Variants in SYT1 observed in about 807,000 individuals in gnomAD.
SYT1 encodes the protein synaptotagmin 1.
A neutral mutation model predicts 44.8 loss-of-function variants in SYT1; 8 were observed. The ratio of observed to expected loss-of-function variants is 0.18; its 90% CI spans 0.10 to 0.32. The LOEUF (loss-of-function observed/expected upper bound fraction) is 0.32, where lower values mean the gene tolerates loss of function less well. Among genes scored for constraint, SYT1 ranks in the 10% least tolerant of loss-of-function variants. The probability of loss-of-function intolerance (pLI) is 1.00; values close to 1 mark genes in which losing one functional copy is unlikely to be tolerated. For synonymous variants in SYT1, 154 were observed against 188.8 expected (o/e 0.82, Z 1.51); for missense variants, 286 against 509.3 (o/e 0.56, Z 4.22).
At chr12:79,293,395 TA>T (rs1263631716) in intron 6 of SYT1, among the ~76,000 whole-genome samples, 6 of 55,742 alleles carry the variant, frequency 1.1e-4, no homozygotes, top group East Asian at 1.4e-3. Context: ...TAAAATAAAA[TA>T]AAATAAAATA....
chr12:79,103,327 A>G (rs959676199), intron 3 of SYT1, among the ~76,000 whole-genome samples: 1 of 152,186 alleles, frequency 6.6e-6, no homozygotes, highest in Non-Finnish European at 1.5e-5. Flanking sequence ...TGCATAGACA[A>G]CTTAAAATAA....
At chr12:79,401,179 G>A (rs936339647) in intron 9 of SYT1, among the ~76,000 whole-genome samples, 1 of 152,128 alleles carries the variant, frequency 6.6e-6, no homozygotes, top group African/African-American at 2.4e-5. Context: ...AAGTTGAATA[G>A]CACTAGTAAC....
chr12:79,401,309 C>G (rs61927378), intron 9 of SYT1, among the ~76,000 whole-genome samples: 28,554 of 152,002 alleles, frequency 0.19, 3,143 homozygotes, highest in East Asian at 0.49. Flanking sequence ...CAGGAAGATT[C>G]CTTAAGCCCA....
In SYT1 at chr12:79,056,028, A is replaced by C. The variant is rs938287906; in HGVS notation, c.-18+8666A>C. Among the ~76,000 whole-genome samples the C allele has an allele frequency of 2.1e-4, 32 of 152,136 alleles. 1 individual carries two copies. Among genetic ancestry groups the C allele is most frequent in the African/African-American group, 7.5e-4 (31 of 41,544 alleles). On this transcript the variant is annotated intron_variant, in intron 3 of 10. Transcript: ENST00000261205. ...TATAATTGCCTACAGTATTCAGTAC[A>C]GTGACATGTACAGGTTTGTAGCCCA...
chr12:78,876,060 C>T (rs1874052204), intron 1 of SYT1, among the ~76,000 whole-genome samples: 2 of 151,676 alleles, frequency 1.3e-5, no homozygotes, highest in South Asian at 2.1e-4. Flanking sequence ...ATGCAATTTC[C>T]TTTTGAGTAT....
intron 8 of SYT1, among the ~76,000 whole-genome samples, chr12:79,342,787 C>T (rs964365606): frequency 1.3e-5 from 2 of 152,150 alleles, no homozygotes; most frequent in East Asian, 1.9e-4. Flanking sequence ...TTGTTGAAAT[C>T]GAGTGAACCA....
intron 8 of SYT1, among the ~76,000 whole-genome samples, chr12:79,299,879 G>A (rs775995027): frequency 2.6e-5 from 4 of 151,992 alleles, no homozygotes; most frequent in East Asian, 1.9e-4. Flanking sequence ...AAATGACAAC[G>A]AAAAATTATT....
chr12:79,322,231 A>G (rs1185814838), intron 8 of SYT1, among the ~76,000 whole-genome samples: 1 of 152,178 alleles, frequency 6.6e-6, no homozygotes, highest in Non-Finnish European at 1.5e-5. Context: ...GTAAGCTAAA[A>G]TCTCCTAAAG....
intron 4 of SYT1, among the ~76,000 whole-genome samples, chr12:79,278,031 TAAGAA>T: frequency 6.6e-6 from 1 of 151,902 alleles, no homozygotes; most frequent in Non-Finnish European, 1.5e-5. Flanking sequence ...CTACCAGACC[TAAGAA>T]AAGAGATAGA....
At chr12:79,427,080 T>C (rs1869497093) in intron 9 of SYT1, among the ~76,000 whole-genome samples, 1 of 152,226 alleles carries the variant, frequency 6.6e-6, no homozygotes, top group African/African-American at 2.4e-5. Flanking sequence ...CTTCTTTCCT[T>C]TATAAATTAC....
chr12:79,113,515 A>G (rs1046202494), intron 3 of SYT1, among the ~76,000 whole-genome samples: 1 of 152,046 alleles, frequency 6.6e-6, no homozygotes, highest in Non-Finnish European at 1.5e-5. Context: ...AAATTTGTGT[A>G]TTTTTTTCTT....
At chr12:79,194,160 T>G (rs577864876) in intron 3 of SYT1, among the ~76,000 whole-genome samples, 2 of 152,292 alleles carry the variant, frequency 1.3e-5, no homozygotes, top group East Asian at 3.9e-4. Context: ...TTTGGTAGGC[T>G]GATTTTTCCT....
At chr12:78,876,197 T>A (rs1874059631) in intron 1 of SYT1, among the ~76,000 whole-genome samples, 1 of 151,628 alleles carries the variant, frequency 6.6e-6, no homozygotes, top group Admixed American at 6.6e-5. Context: ...CTTGTAGCAT[T>A]AACCGGAAAT....
At chr12:79,234,099 TTC>T (rs920080455) in intron 4 of SYT1, among the ~76,000 whole-genome samples, 9 of 152,056 alleles carry the variant, frequency 5.9e-5, no homozygotes, top group South Asian at 2.1e-4. Context: ...CTAACATTCT[TTC>T]TCTCTCTCTG....
chr12:78,942,254 C>A (rs1592588026), intron 1 of SYT1, among the ~76,000 whole-genome samples: 1 of 152,228 alleles, frequency 6.6e-6, no homozygotes, highest in Non-Finnish European at 1.5e-5. Context: ...TTACTGCAGA[C>A]AATGACTGCT....
chr12:79,133,429 G>A (rs550258415), intron 3 of SYT1, among the ~76,000 whole-genome samples: 2 of 152,164 alleles, frequency 1.3e-5, no homozygotes, highest in African/African-American at 4.8e-5. Context: ...GCAAAGAAAA[G>A]ATAAATGCTT....
intron 2 of SYT1, among the ~76,000 whole-genome samples, chr12:78,984,730 T>G (rs1869521705): frequency 6.6e-6 from 1 of 151,936 alleles, no homozygotes; most frequent in East Asian, 1.9e-4. Context: ...TAGATGGAGT[T>G]TTTGGTTCAC....
At chr12:79,107,761 T>C (rs1878796632) in intron 3 of SYT1, among the ~76,000 whole-genome samples, 3 of 151,946 alleles carry the variant, frequency 2.0e-5, no homozygotes, top group Admixed American at 2.0e-4. Flanking sequence ...TAACTTGATG[T>C]TGTATCACTG....
At chr12:79,098,619 A>AG (rs1555197871) in intron 3 of SYT1, among the ~76,000 whole-genome samples, 10 of 152,146 alleles carry the variant, frequency 6.6e-5, no homozygotes, top group Non-Finnish European at 2.9e-5. Context: ...TAAGAAAAAA[A>AG]CATTTAATGT....
Sources: gnomAD v4.1 joint callset for allele counts (sites outside exome capture counted in the v4.1 genomes callset) on GRCh38, gnomAD v4.1.1 for gene constraint, MANE v1.5 for transcripts, NCBI Gene and HGNC (gene_info 2026-07-23, HGNC 2026-07-21) for gene names.